PRAG1: variants seen among roughly 807,000 people sequenced by gnomAD.
PRAG1 encodes the protein inactive tyrosine-protein kinase PRAG1.
Under a neutral mutation model 95.6 loss-of-function variants are expected in PRAG1, and 110 were observed. The observed-to-expected ratio is 1.15, with a 90% CI of 0.99 to 1.35. The LOEUF (loss-of-function observed/expected upper bound fraction) is 1.35, where lower values mean the gene tolerates loss of function less well. Among genes scored for constraint, PRAG1 ranks in the 40% most tolerant of loss-of-function variants. The pLI is 0.00. For synonymous variants in PRAG1, 1,052 were observed against 819.4 expected, an observed-to-expected ratio of 1.28 and a Z score of -4.85; for missense variants, 2,554 against 1,864.7, an observed-to-expected ratio of 1.37 and a Z score of -6.81.
At chr8:8,363,775 A>G (rs1461450554) in intron 3 of PRAG1, among the ~76,000 whole-genome samples, 1 of 152,200 alleles carries the variant, frequency 6.6e-6, no homozygotes, top group African/African-American at 2.4e-5. Context: ...AAAGGTTAAG[A>G]ATGCAGCTTT....
chr8:8,318,402 G>T lies in PRAG1; in HGVS notation c.3973C>A (p.Leu1325Met), dbSNP rs752286424. The part of the protein sequence containing the change: ...RIRIGEAKRV[L>M]QCLLWGPRRE... Reference sequence around the variant, plus strand: ...CGAGGCCCCCACAGCAGGCACTGCAGCACGCGCTTGGCCTCGCCGATGCGG... The same window carrying T: ...CGAGGCCCCCACAGCAGGCACTGCATCACGCGCTTGGCCTCGCCGATGCGG... The change falls in exon 6 of 6, where the codon CTG becomes ATG. Residue 1325 changes from leucine to methionine, a missense_variant. Leu to Met is a conservative substitution (Grantham distance 15). Coordinates refer to ENST00000615670, the MANE Select transcript of PRAG1 (RefSeq NM_001080826.3). The surrounding 1 kb of genome is among the most constrained non-coding windows in gnomAD (Gnocchi z 4.2). The T allele has an allele frequency of 1.2e-6, 2 of 1,613,380 alleles. No individual in the cohort carries two copies. Among genetic ancestry groups the T allele is most frequent in the Non-Finnish European group, 1.7e-6 (2 of 1,179,728 alleles).
At chr8:8,351,322 G>A (rs999083469) in intron 3 of PRAG1, among the ~76,000 whole-genome samples, 4 of 152,014 alleles carry the variant, frequency 2.6e-5, no homozygotes, top group Admixed American at 1.3e-4. Context: ...GGGGAAATTC[G>A]CTCCCATGGT....
intron 4 of PRAG1, among the ~76,000 whole-genome samples, 171 bp downstream of exon 4, chr8:8,339,307 A>G (rs1040016160): frequency 1.3e-5 from 2 of 152,200 alleles, no homozygotes; most frequent in African/African-American, 4.8e-5. Context: ...GGCTTGCCAT[A>G]TATTCAGTAG....
At chr8:8,355,351 C>A in intron 3 of PRAG1, among the ~76,000 whole-genome samples, 1 of 152,000 alleles carries the variant, frequency 6.6e-6, no homozygotes, top group Non-Finnish European at 1.5e-5. Flanking sequence ...AAGTGATATA[C>A]AGATTTAATG....
At position 8,385,060 on chromosome 8, in the gene PRAG1, C is replaced by T. The variant is rs904671158; in HGVS notation, c.-88+1261G>A. On this transcript the variant is annotated intron_variant, in intron 1 of 5. Coordinates refer to ENST00000615670, the MANE Select transcript of PRAG1 (RefSeq NM_001080826.3). ...GATCTTTAAGATTAAATATTTTGGC[C>T]CAAAATACCCCCTCAGACTTACATC... Among the ~76,000 whole-genome samples the T allele has an allele frequency of 2.0e-5, 3 of 152,064 alleles. No homozygotes were observed. The South Asian group carries it at 6.2e-4, about 31-fold the overall frequency.
Position 8,327,693 on chromosome 8 carries a change from GA to G in PRAG1, c.3072+16del, listed in dbSNP as rs1269216123. 6.3e-7 allele frequency: 1 copy of G among 1,596,158 alleles called. No individual in the cohort carries two copies. The highest frequency in any genetic ancestry group is 8.6e-7 in the Non-Finnish European group (1 of 1,168,964). On this transcript the variant is annotated intron_variant, in intron 5 of 5. Coordinates refer to ENST00000615670, the MANE Select transcript of PRAG1 (RefSeq NM_001080826.3). ...AGCCAGTGGCACAGCAGAATGCAAG[GA>G]GGGAGTGGTACCTACTTTCACAGCA...
At chr8:8,363,380 C>G (rs544026731) in intron 3 of PRAG1, among the ~76,000 whole-genome samples, 1 of 152,222 alleles carries the variant, frequency 6.6e-6, no homozygotes, top group South Asian at 2.1e-4. Flanking sequence ...GACTATCACT[C>G]AACTTTTAAA....
At position 8,376,240 on chromosome 8, in the gene PRAG1, TACTC is replaced by T; in HGVS notation, c.2162+3_2162+6del. The T allele has an allele frequency of 6.2e-7, 1 of 1,609,724 alleles. No homozygotes were observed. The highest frequency in any genetic ancestry group is 8.5e-7 in the Non-Finnish European group (1 of 1,178,146). On this transcript the variant is annotated splice_donor_5th_base_variant and intron_variant, in intron 3 of 5. Coordinates refer to ENST00000615670, the MANE Select transcript of PRAG1 (RefSeq NM_001080826.3). Reference sequence around the variant, plus strand: ...AGACAGAGTCCCAGGCAGACAATGGTACTCACCGCGACTTTGGAGGCGGAGGAGG... The same window carrying T: ...AGACAGAGTCCCAGGCAGACAATGGTACCGCGACTTTGGAGGCGGAGGAGG...
rs748860973 is a variant in PRAG1 at position 8,318,275 on chromosome 8, G to A, written c.4100C>T (p.Ala1367Val). Residue 1367 changes from alanine (A) to valine (V), a missense_variant, in exon 6 of 6, where the codon GCG becomes GTG. Coordinates refer to ENST00000615670, the MANE Select transcript of PRAG1 (RefSeq NM_001080826.3). The surrounding 1 kb of genome is among the most constrained non-coding windows in gnomAD (Gnocchi z 4.2). ...MKRALMMMKF[A>V]EKAVDRRRGV... ...CCGCCTGCGATCCACCGCCTTCTCC[G>A]CAAACTTCATCATCATCAGGGCCCG... 3 of 1,614,194 alleles carry A rather than the reference G, an allele frequency of 1.9e-6. No individual in the cohort carries two copies. The highest frequency in any genetic ancestry group is 1.7e-5 in the Admixed American group (1 of 60,030).
At position 8,355,535 on chromosome 8, in the gene PRAG1, G is replaced by A. The variant is rs1799653825; in HGVS notation, c.2163-15900C>T. ...TCCCGATTTTAAATTATATTACAAA[G>A]CTATAGTAATCAGAAAAGAATATGG... On this transcript the variant is annotated intron_variant, in intron 3 of 5. Transcript: ENST00000615670. 1.3e-5 allele frequency among the ~76,000 whole-genome samples: 2 copies of A among 152,128 alleles called. 1 individual carries two copies. The highest frequency in any genetic ancestry group is 4.1e-4 in the South Asian group (2 of 4,836).
At chr8:8,378,343 T>C (rs2116940416) in intron 2 of PRAG1, among the ~76,000 whole-genome samples, 1 of 152,246 alleles carries the variant, frequency 6.6e-6, no homozygotes, top group African/African-American at 2.4e-5. Context: ...GCTTTTGGCT[T>C]AAGTCTGTGA....
intron 4 of PRAG1, among the ~76,000 whole-genome samples, chr8:8,334,001 T>C (rs1289978983): frequency 1.3e-5 from 2 of 152,194 alleles, no homozygotes; most frequent in Non-Finnish European, 2.9e-5. Context: ...CCATTAACTA[T>C]TCCTGCATCA....
chr8:8,377,327 AGGT>A lies in PRAG1; in HGVS notation c.1079_1081del (p.His360del). ...CATGAGGGAGCAGTAATCACTCTCG[AGGT>A]GGGGGACGAAGGGGCTACTGGCGCC... is the stretch of plus-strand genomic sequence containing the variant. On this transcript the variant is annotated inframe_deletion, in exon 3 of 6. Transcript: ENST00000615670. The A allele has an allele frequency of 2.5e-6, 4 of 1,609,650 alleles. No homozygotes were observed. Among genetic ancestry groups the A allele is most frequent in the Non-Finnish European group, 3.4e-6 (4 of 1,178,772 alleles).
At chr8:8,320,177 T>G (rs113189324) in intron 5 of PRAG1, among the ~76,000 whole-genome samples, 1 of 152,102 alleles carries the variant, frequency 6.6e-6, no homozygotes, top group African/African-American at 2.4e-5. Flanking sequence ...CAAATAGTGT[T>G]TATAAGAAAG....
chr8:8,370,843 G>A (rs751794708), intron 3 of PRAG1, among the ~76,000 whole-genome samples: 1 of 152,188 alleles, frequency 6.6e-6, no homozygotes, highest in Non-Finnish European at 1.5e-5. Context: ...AGCAGCTCAG[G>A]AGGAGAATTA....
Position 8,328,201 on chromosome 8 carries a change from G to C in PRAG1, c.2581C>G (p.His861Asp). Residue 861 changes from histidine to aspartate, a missense_variant, in exon 5 of 6, where the codon CAC becomes GAC. Coordinates refer to ENST00000615670, the MANE Select transcript of PRAG1 (RefSeq NM_001080826.3). Reference protein sequence around the residue: ...HSETNVHDESHFSYSLSPGNR... With the variant: ...HSETNVHDESDFSYSLSPGNR... Reference sequence around the variant, plus strand: ...CCGGGGCTCAACGAATAGCTAAAGTGAGATTCGTCGTGGACGTTGGTTTCC... The same window carrying C: ...CCGGGGCTCAACGAATAGCTAAAGTCAGATTCGTCGTGGACGTTGGTTTCC... 6.2e-7 allele frequency: 1 copy of C among 1,614,250 alleles called. No individual in the cohort carries two copies. The highest frequency in any genetic ancestry group is 8.5e-7 in the Non-Finnish European group (1 of 1,180,046).
chr8:8,347,762 C>T (rs1799393125), intron 3 of PRAG1, among the ~76,000 whole-genome samples: 1 of 150,280 alleles, frequency 6.7e-6, no homozygotes, highest in African/African-American at 2.5e-5. Flanking sequence ...AACAAACCTG[C>T]AGACCTAGGA....
chr8:8,332,916 C>G (rs1160479637), intron 4 of PRAG1, among the ~76,000 whole-genome samples: 1 of 150,908 alleles, frequency 6.6e-6, no homozygotes. Context: ...GGCTGCCACA[C>G]TCTGGATTAG....
chr8:8,342,463 TG>T (rs1196077990), intron 3 of PRAG1, among the ~76,000 whole-genome samples: 1 of 152,146 alleles, frequency 6.6e-6, no homozygotes, highest in Non-Finnish European at 1.5e-5. Flanking sequence ...CCCAAAGTAC[TG>T]GGATTACAGG....
Sources: allele counts gnomAD v4.1 joint callset (sites outside exome capture counted in the v4.1 genomes callset), GRCh38; gene constraint gnomAD v4.1.1; non-coding constraint Gnocchi (gnomAD v3.1); transcripts MANE v1.5; gene names NCBI Gene and HGNC (gene_info 2026-07-23, HGNC 2026-07-21).